CERS6: variants seen among roughly 807,000 people sequenced by gnomAD.
The protein encoded by CERS6 is ceramide synthase 6, also known as LAG1 homolog, ceramide synthase 6.
A neutral mutation model predicts 56.8 loss-of-function variants in CERS6; 26 were observed. The ratio of observed to expected loss-of-function variants is 0.46; its 90% CI spans 0.34 to 0.63. CERS6 has a LOEUF of 0.63. Ranked by LOEUF, CERS6 falls within the 30% of genes least tolerant of loss-of-function variation. The pLI, the probability that CERS6 is intolerant of heterozygous loss-of-function variation, is 0.01. For synonymous variants in CERS6, 164 were observed against 173.3 expected (o/e 0.95, Z 0.42); for missense variants, 415 against 467.5 (o/e 0.89, Z 1.04).
Position 168,719,598 on chromosome 2 carries a change from G to T in CERS6, c.845+1620G>T, listed in dbSNP as rs948212342. Among the ~76,000 whole-genome samples, 4 of 152,258 alleles carry T rather than the reference G, an allele frequency of 2.6e-5. No homozygotes were observed. In the East Asian group the frequency reaches 7.7e-4, roughly 29 times the overall value. ...TTGGATTCACCAACAATACCTTCCA[G>T]GTTCCTCTTGACTATATTTGAATTC... is the stretch of plus-strand genomic sequence containing the variant. On this transcript the variant is annotated intron_variant, in intron 8 of 9. Coordinates refer to ENST00000305747, the MANE Select transcript of CERS6 (RefSeq NM_203463.3).
At chr2:168,496,639 A>G (rs1227496623) in intron 1 of CERS6, among the ~76,000 whole-genome samples, 1 of 152,166 alleles carries the variant, frequency 6.6e-6, no homozygotes, top group Non-Finnish European at 1.5e-5. Context: ...GTCCCATGAA[A>G]TTAATTTTTT....
rs150523901 is a variant in CERS6 at position 168,711,670 on chromosome 2, G to T, written c.610-3331G>T. 3.6e-4 allele frequency among the ~76,000 whole-genome samples: 54 copies of T among 150,038 alleles called. 1 individual carries two copies. The East Asian group carries it at 0.011, about 29-fold the overall frequency. ...AATGGCTTGAACCCAGGAGACGGAGGTTGCAGTGAGCTGAGATCCCACCAT... is the reference window on the plus strand; with the variant it reads ...AATGGCTTGAACCCAGGAGACGGAGTTTGCAGTGAGCTGAGATCCCACCAT... On this transcript the variant is annotated intron_variant, in intron 6 of 9. Coordinates refer to ENST00000305747, the MANE Select transcript of CERS6 (RefSeq NM_203463.3).
At chr2:168,465,007 G>A (rs1693846232) in intron 1 of CERS6, among the ~76,000 whole-genome samples, 1 of 152,188 alleles carries the variant, frequency 6.6e-6, no homozygotes, top group African/African-American at 2.4e-5. Context: ...ATTGCCATAT[G>A]ATACAGCAAT....
chr2:168,626,846 C>A (rs1409303282), intron 3 of CERS6, among the ~76,000 whole-genome samples: 1 of 152,120 alleles, frequency 6.6e-6, no homozygotes, highest in East Asian at 1.9e-4. Context: ...CTCCACAGAT[C>A]GTTTAGGATT....
intron 1 of CERS6, among the ~76,000 whole-genome samples, chr2:168,502,267 G>A (rs896251645): frequency 6.6e-6 from 1 of 152,094 alleles, no homozygotes; most frequent in Non-Finnish European, 1.5e-5. Flanking sequence ...TGTCTCGGGG[G>A]TTGAAAGAAC....
chr2:168,687,866 G>C (rs1686394839), intron 4 of CERS6, among the ~76,000 whole-genome samples: 1 of 152,076 alleles, frequency 6.6e-6, no homozygotes, highest in Non-Finnish European at 1.5e-5. Context: ...ACCGTGCCTA[G>C]CTAGTTTTCA....
chr2:168,755,925 G>C (rs1684404012), intron 8 of CERS6, among the ~76,000 whole-genome samples: 2 of 152,226 alleles, frequency 1.3e-5, no homozygotes, highest in Non-Finnish European at 2.9e-5. Flanking sequence ...TTTGGTCTCT[G>C]TTTTTCTCAC....
At chr2:168,632,638 G>T (rs1684773724) in intron 4 of CERS6, among the ~76,000 whole-genome samples, 1 of 152,162 alleles carries the variant, frequency 6.6e-6, no homozygotes, top group South Asian at 2.1e-4. Flanking sequence ...TTGGAATTCT[G>T]TTCTAGTTTT....
chr2:168,599,647 A>C (rs1343530340), intron 3 of CERS6, among the ~76,000 whole-genome samples: 4 of 152,184 alleles, frequency 2.6e-5, no homozygotes, highest in Non-Finnish European at 5.9e-5. Context: ...CATTCATTTG[A>C]GATCTGTGTA....
At chr2:168,763,131 C>A (rs996251093) in intron 8 of CERS6, among the ~76,000 whole-genome samples, 8 of 152,162 alleles carry the variant, frequency 5.3e-5, no homozygotes, top group East Asian at 3.8e-4. Flanking sequence ...CTACCTCAGC[C>A]CCCCCAAAGT....
intron 1 of CERS6, among the ~76,000 whole-genome samples, chr2:168,468,332 G>A (rs1251223516): frequency 6.6e-6 from 1 of 152,144 alleles, no homozygotes; most frequent in Admixed American, 6.5e-5. Context: ...TTTATTGCAC[G>A]CAGTCTCAAG....
At chr2:168,673,765 T>C (rs138206094) in intron 4 of CERS6, among the ~76,000 whole-genome samples, 70 of 152,364 alleles carry the variant, frequency 4.6e-4, no homozygotes, top group African/African-American at 1.4e-3. Context: ...TCTGGATTCC[T>C]CTGCCATTCA....
chr2:168,532,554 A>AGT (rs1695187524), intron 1 of CERS6, among the ~76,000 whole-genome samples: 1 of 151,856 alleles, frequency 6.6e-6, no homozygotes, highest in South Asian at 2.1e-4. Context: ...TCTCAGTCAC[A>AGT]GTGTAGCCCT....
chr2:168,500,999 G>A (rs1302929031), intron 1 of CERS6, among the ~76,000 whole-genome samples: 1 of 152,198 alleles, frequency 6.6e-6, no homozygotes, highest in Non-Finnish European at 1.5e-5. Context: ...ATGGTGGTGG[G>A]TATTTCCCCA....
intron 3 of CERS6, among the ~76,000 whole-genome samples, chr2:168,598,577 A>G (rs1215417922): frequency 6.6e-6 from 1 of 152,196 alleles, no homozygotes; most frequent in Non-Finnish European, 1.5e-5. Flanking sequence ...CTAAATGATT[A>G]ATATGTGGCA....
At chr2:168,507,169 T>G (rs753658013) in intron 1 of CERS6, among the ~76,000 whole-genome samples, 5 of 152,196 alleles carry the variant, frequency 3.3e-5, no homozygotes, top group Non-Finnish European at 7.3e-5. Context: ...ACAAAGATAT[T>G]CTTCTATATA....
chr2:168,543,374 C>A (rs1695408036), intron 1 of CERS6, among the ~76,000 whole-genome samples: 1 of 152,114 alleles, frequency 6.6e-6, no homozygotes, highest in Non-Finnish European at 1.5e-5. Context: ...CCCCCATCCC[C>A]CATCAATCTG....
chr2:168,562,391 A>T (rs1695807270), intron 3 of CERS6, among the ~76,000 whole-genome samples: 1 of 152,246 alleles, frequency 6.6e-6, no homozygotes, highest in Non-Finnish European at 1.5e-5. Flanking sequence ...AAGGACCTGC[A>T]CTGGCACCAG....
chr2:168,697,524 T>C (rs1686684047), intron 6 of CERS6, among the ~76,000 whole-genome samples: 1 of 151,900 alleles, frequency 6.6e-6, no homozygotes, highest in Non-Finnish European at 1.5e-5. Flanking sequence ...CGTAAAACTC[T>C]TATATAACAG....
Sources: gnomAD v4.1 joint callset for allele counts (sites outside exome capture counted in the v4.1 genomes callset) on GRCh38, gnomAD v4.1.1 for gene constraint, MANE v1.5 for transcripts, NCBI Gene and HGNC (gene_info 2026-07-23, HGNC 2026-07-21) for gene names.